SLC24A2: variants seen among roughly 807,000 people sequenced by gnomAD.
SLC24A2 encodes solute carrier family 24 member 2, also known as sodium/potassium/calcium exchanger 2.
A neutral mutation model predicts 62.0 loss-of-function variants in SLC24A2; 36 were observed. The ratio of observed to expected loss-of-function variants is 0.58; its 90% confidence interval spans 0.44 to 0.77. The LOEUF is 0.77. SLC24A2 is among the 30% of genes least tolerant of loss of function. SLC24A2 has a pLI of 0.00. For synonymous variants in SLC24A2, 358 were observed against 294.0 expected (o/e 1.22, Z -2.23); for missense variants, 846 against 817.9 (o/e 1.03, Z -0.42).
intron 2 of SLC24A2, among the ~76,000 whole-genome samples, chr9:19,778,802 G>A (rs1471168722): frequency 6.6e-6 from 1 of 152,064 alleles, no homozygotes; most frequent in Admixed American, 6.6e-5. Context: ...AAATTTCATG[G>A]TTAAGAATCA....
At position 19,644,718 on chromosome 9, in the gene SLC24A2, A is replaced by C. The variant is rs1011271426; in HGVS notation, c.931-22419T>G. On this transcript the variant is annotated intron_variant, in intron 2 of 10. Transcript: ENST00000341998. The stretch of plus-strand genomic sequence containing the variant: ...TTTATGTAAGCAATATGCTTGAAAC[A>C]ACAAGTTCATGTTTTTTTTTAAAAA... Among the ~76,000 whole-genome samples, 3 of 141,926 alleles carry C rather than the reference A, an allele frequency of 2.1e-5. No individual in the cohort carries two copies. In the South Asian group the frequency reaches 6.4e-4, roughly 30 times the overall value. The allele number at this position is 141,926 out of a possible 152,430, so 93.1% of individuals were successfully genotyped here.
At chr9:20,210,254 G>T in the SLC24A2 span, among the ~76,000 whole-genome samples, 6 of 152,186 alleles carry the variant, frequency 3.9e-5, no homozygotes, top group Non-Finnish European at 8.8e-5. Flanking sequence ...AGAGAAGCAG[G>T]TGGCCTCCCA....
the SLC24A2 span, among the ~76,000 whole-genome samples, chr9:19,852,573 G>A: frequency 6.6e-6 from 1 of 152,116 alleles, no homozygotes; most frequent in Non-Finnish European, 1.5e-5. Flanking sequence ...TTATTAAATA[G>A]GAAATCCTTT....
chr9:19,919,577 T>C, the SLC24A2 span, among the ~76,000 whole-genome samples: 1 of 152,132 alleles, frequency 6.6e-6, no homozygotes, highest in Non-Finnish European at 1.5e-5. Flanking sequence ...CCTCTTTTTT[T>C]CCAAAAAAGT....
At chr9:19,519,675 G>C (rs1056033442) in intron 10 of SLC24A2, among the ~76,000 whole-genome samples, 73 of 152,312 alleles carry the variant, frequency 4.8e-4, no homozygotes, top group African/African-American at 1.7e-3. Context: ...CTAGCAGGCA[G>C]ATATACCAGG....
chr9:19,961,447 AC>A, the SLC24A2 span, among the ~76,000 whole-genome samples: 1 of 152,354 alleles, frequency 6.6e-6, no homozygotes, highest in South Asian at 2.1e-4. Context: ...AGTAGACTTA[AC>A]AAAAAAATGA....
chr9:20,201,431 C>A, the SLC24A2 span, among the ~76,000 whole-genome samples: 1 of 152,122 alleles, frequency 6.6e-6, no homozygotes, highest in African/African-American at 2.4e-5. Flanking sequence ...TGGCTCCTGT[C>A]CACTTCTGTG....
chr9:20,263,679 T>C, the SLC24A2 span, among the ~76,000 whole-genome samples: 1 of 152,230 alleles, frequency 6.6e-6, no homozygotes, highest in African/African-American at 2.4e-5. Context: ...ACATGAATGA[T>C]GCTTTTTGTA....
chr9:19,739,653 C>G lies in SLC24A2; in HGVS notation c.930+46284G>C, dbSNP rs191299936. On this transcript the variant is annotated intron_variant, in intron 2 of 10. Coordinates refer to ENST00000341998, the MANE Select transcript of SLC24A2 (RefSeq NM_020344.4). ...TTTCACCCCTATCTTACGTCATAAA[C>G]AAAGGTCAATTGTAGGTGGATTATA... Among the ~76,000 whole-genome samples the G allele has an allele frequency of 4.6e-5, 7 of 152,210 alleles. No homozygotes were observed. The East Asian group carries it at 1.3e-3, about 29-fold the overall frequency.
the SLC24A2 span, among the ~76,000 whole-genome samples, chr9:20,060,948 A>G: frequency 1.3e-5 from 2 of 152,202 alleles, no homozygotes; most frequent in Non-Finnish European, 1.5e-5. Context: ...AAAATGAAAC[A>G]GAGTAAGATA....
At chr9:19,954,060 A>G in the SLC24A2 span, among the ~76,000 whole-genome samples, 1 of 152,120 alleles carries the variant, frequency 6.6e-6, no homozygotes, top group African/African-American at 2.4e-5. Context: ...GGTCTAGGGT[A>G]AAAAAGAAGA....
At chr9:19,529,781 C>G (rs1833614184) in intron 8 of SLC24A2, among the ~76,000 whole-genome samples, 1 of 144,892 alleles carries the variant, frequency 6.9e-6, no homozygotes, top group Non-Finnish European at 1.5e-5. Context: ...GATGGAGTCT[C>G]ACTCGGTCAC....
chr9:20,096,856 G>A, the SLC24A2 span, among the ~76,000 whole-genome samples: 1 of 151,996 alleles, frequency 6.6e-6, no homozygotes, highest in Non-Finnish European at 1.5e-5. Flanking sequence ...AAAGCACTGT[G>A]GTTTGGTGAG....
chr9:19,939,461 T>C, the SLC24A2 span, among the ~76,000 whole-genome samples: 1 of 152,090 alleles, frequency 6.6e-6, no homozygotes, highest in Non-Finnish European at 1.5e-5. Flanking sequence ...AAAGGTACAG[T>C]AGAAATATGG....
the SLC24A2 span, among the ~76,000 whole-genome samples, chr9:19,896,902 T>C: frequency 1.3e-5 from 2 of 152,258 alleles, no homozygotes; most frequent in African/African-American, 4.8e-5. Flanking sequence ...TGTCATGTTA[T>C]GATTATTCTT....
the SLC24A2 span, among the ~76,000 whole-genome samples, chr9:20,036,465 AC>A: frequency 5.3e-5 from 8 of 152,042 alleles, no homozygotes; most frequent in Non-Finnish European, 8.8e-5. Context: ...GAAGCTCTGT[AC>A]CCTCTGATTA....
At chr9:19,682,364 C>T (rs1196958998) in intron 2 of SLC24A2, among the ~76,000 whole-genome samples, 2 of 152,042 alleles carry the variant, frequency 1.3e-5, no homozygotes, top group African/African-American at 2.4e-5. Flanking sequence ...GTAAGCCCAA[C>T]CGGGAGAAAC....
chr9:19,547,327 G>C (rs758449830), intron 8 of SLC24A2, among the ~76,000 whole-genome samples: 1 of 152,208 alleles, frequency 6.6e-6, no homozygotes, highest in Non-Finnish European at 1.5e-5. Flanking sequence ...TTCTGCAGGT[G>C]CTGGCTCTCA....
chr9:19,846,300 TA>T, the SLC24A2 span, among the ~76,000 whole-genome samples: 1 of 152,242 alleles, frequency 6.6e-6, no homozygotes, highest in Non-Finnish European at 1.5e-5. Context: ...TATATTTGGA[TA>T]GTTAAGTCTT....
Sources: gnomAD v4.1 joint callset for allele counts (sites outside exome capture counted in the v4.1 genomes callset) on GRCh38, gnomAD v4.1.1 for gene constraint, MANE v1.5 for transcripts, NCBI Gene and HGNC (gene_info 2026-07-23, HGNC 2026-07-21) for gene names.